RPS6KA6: variants seen among roughly 807,000 people sequenced by gnomAD.
RPS6KA6 encodes the protein ribosomal protein S6 kinase A6, also known as ribosomal protein S6 kinase alpha-6.
Under a neutral mutation model 65.4 loss-of-function variants are expected in RPS6KA6, and 27 were observed. That is an observed-to-expected ratio of 0.41 (90% CI 0.30 to 0.57). RPS6KA6 has a LOEUF of 0.57. RPS6KA6 is among the 20% of genes least tolerant of loss of function. The probability of loss-of-function intolerance (pLI) is 0.24; values close to 1 mark genes in which losing one functional copy is unlikely to be tolerated. For synonymous variants in RPS6KA6, 190 were observed against 184.2 expected (o/e 1.03, Z -0.26); for missense variants, 486 against 555.6 (o/e 0.87, Z 1.26).
intron 8 of RPS6KA6, among the ~76,000 whole-genome samples, chrX:84,130,904 A>T (rs1009347517): frequency 2.2e-4 from 25 of 112,082 alleles, no homozygotes; most frequent in African/African-American, 7.8e-4. Context: ...GAACTGTTTC[A>T]TATTTTTATT....
intron 20 of RPS6KA6, among the ~76,000 whole-genome samples, chrX:84,093,575 C>T (rs369562415): frequency 1.2e-4 from 13 of 111,771 alleles, no homozygotes; most frequent in East Asian, 8.4e-4. Flanking sequence ...CTAAAAGAGA[C>T]GTAAGAATAA....
intron 20 of RPS6KA6, among the ~76,000 whole-genome samples, chrX:84,069,157 C>CA (rs1461633042): frequency 8.9e-6 from 1 of 112,053 alleles, no homozygotes; most frequent in African/African-American, 3.2e-5. Context: ...TACCTGACTT[C>CA]AAACTATACT....
intron 2 of RPS6KA6, 86 bp downstream of exon 2, chrX:84,164,238 ATTTG>A: frequency 1.5e-6 from 1 of 675,706 alleles, no homozygotes; most frequent in Admixed American, 2.8e-5. Flanking sequence ...ACCTGAATAT[ATTTG>A]TTTGATAGGA....
Position 84,094,367 on chromosome X carries a change from G to T in RPS6KA6, c.1971+1827C>A, listed in dbSNP as rs898232815. Among the ~76,000 whole-genome samples the T allele has an allele frequency of 4.6e-5, 5 of 108,914 alleles. 1 individual carries two copies. The Middle Eastern group carries it at 0.014, about 311-fold the overall frequency. 94.6% of individuals were successfully genotyped at this position (108,914 alleles called of 115,157 possible). On this transcript the variant is annotated intron_variant, in intron 20 of 21. Transcript: ENST00000262752. ...TAAAGATTTTGCAAGTGGAGGCCTG[G>T]TGTGGTGGCTCACGCCTGTAATCCT...
At chrX:84,106,015 TA>T (rs66494650) in intron 15 of RPS6KA6, 139 bp from the exon 16 acceptor site, 27,172 of 390,198 alleles carry the variant, frequency 0.07, 1,062 homozygotes, top group East Asian at 0.26. Context: ...TTTTAACATT[TA>T]AAAACATAAG....
chrX:84,148,986 C>T (rs1300075881), intron 3 of RPS6KA6, among the ~76,000 whole-genome samples: 1 of 111,883 alleles, frequency 8.9e-6, no homozygotes, highest in Non-Finnish European at 1.9e-5. Flanking sequence ...CAAAAGTGAA[C>T]TCAGTCCTCT....
chrX:84,134,732 T>TA, intron 8 of RPS6KA6, 50 bp downstream of exon 8: 2 of 836,417 alleles, frequency 2.4e-6, no homozygotes, highest in Non-Finnish European at 3.4e-6. Context: ...ATTAAAATAA[T>TA]AAAAAATATG....
At chrX:84,160,882 AC>A (rs1362662958) in intron 2 of RPS6KA6, among the ~76,000 whole-genome samples, 1 of 111,534 alleles carries the variant, frequency 9.0e-6, no homozygotes, top group Non-Finnish European at 1.9e-5. Context: ...AAAATTATGT[AC>A]ACAATGGAAG....
intron 20 of RPS6KA6, among the ~76,000 whole-genome samples, chrX:84,079,035 G>A (rs1319554790): frequency 9.0e-6 from 1 of 111,640 alleles, no homozygotes; most frequent in African/African-American, 3.3e-5. Context: ...ATGGCCGAAT[G>A]GGAACAGCTC....
chrX:84,068,109 C>A (rs1427935022), intron 20 of RPS6KA6, among the ~76,000 whole-genome samples: 2 of 111,482 alleles, frequency 1.8e-5, no homozygotes. Flanking sequence ...TATAAGAGCT[C>A]CTGTAGGAAG....
At chrX:84,073,423 A>T (rs1351113800) in intron 20 of RPS6KA6, among the ~76,000 whole-genome samples, 1 of 111,902 alleles carries the variant, frequency 8.9e-6, no homozygotes, top group Admixed American at 9.5e-5. Flanking sequence ...CTATAAAACT[A>T]CTAGAAGAAA....
intron 20 of RPS6KA6, among the ~76,000 whole-genome samples, chrX:84,090,582 T>C (rs1209643028): frequency 9.0e-6 from 1 of 111,330 alleles, no homozygotes; most frequent in Non-Finnish European, 1.9e-5. Context: ...ACAATCACGG[T>C]AGAAGGAGGA....
intron 1 of RPS6KA6, among the ~76,000 whole-genome samples, chrX:84,165,488 C>T (rs1372577459): frequency 4.5e-5 from 5 of 111,181 alleles, no homozygotes; most frequent in African/African-American, 1.6e-4. Context: ...TATTTTCTAC[C>T]TTTATCTCCT....
At chrX:84,162,942 T>C (rs1238366541) in intron 2 of RPS6KA6, among the ~76,000 whole-genome samples, 1 of 112,052 alleles carries the variant, frequency 8.9e-6, no homozygotes, top group Non-Finnish European at 1.9e-5. Flanking sequence ...ACATTGTATC[T>C]CTCATATTGT....
At chrX:84,185,984 T>G (rs569336423) in intron 1 of RPS6KA6, 1 of 494,502 alleles carries the variant, frequency 2.0e-6, no homozygotes, top group South Asian at 2.6e-5. Flanking sequence ...TTTTATTAAG[T>G]AACTTGCAGG....
At position 84,124,104 on chromosome X, in the gene RPS6KA6, G is replaced by A. The variant is rs1045515782; in HGVS notation, c.647-4077C>T. 2.8e-4 allele frequency among the ~76,000 whole-genome samples: 31 copies of A among 111,433 alleles called. No homozygotes were observed. The Admixed American group carries it at 2.9e-3, about 10-fold the overall frequency. On this transcript the variant is annotated intron_variant, in intron 8 of 21. Transcript: ENST00000262752. ...AAGGCCACCAATGGGGTACCTCTAGGAGCCTATAAAACCACAGCATTATTG... is the reference window on the plus strand; with the variant it reads ...AAGGCCACCAATGGGGTACCTCTAGAAGCCTATAAAACCACAGCATTATTG...
intron 3 of RPS6KA6, among the ~76,000 whole-genome samples, chrX:84,150,212 G>A (rs1399750606): frequency 2.7e-5 from 3 of 111,899 alleles, no homozygotes; most frequent in African/African-American, 9.7e-5. Context: ...GCTAGAGGGA[G>A]TGTTGTGGCT....
intron 17 of RPS6KA6, among the ~76,000 whole-genome samples, chrX:84,103,877 A>C (rs753959028): frequency 7.2e-5 from 8 of 111,192 alleles, no homozygotes; most frequent in African/African-American, 2.6e-4. Context: ...TTCTTTATTA[A>C]GTTGGTACAT....
chrX:84,133,166 C>A (rs1012523301), intron 8 of RPS6KA6, among the ~76,000 whole-genome samples: 38 of 111,692 alleles, frequency 3.4e-4, no homozygotes, highest in African/African-American at 1.2e-3. Flanking sequence ...AGTCTGACTG[C>A]AAAAATTCAA....
Sources: gnomAD v4.1 joint callset for allele counts (sites outside exome capture counted in the v4.1 genomes callset) on GRCh38, gnomAD v4.1.1 for gene constraint, MANE v1.5 for transcripts, NCBI Gene and HGNC (gene_info 2026-07-23, HGNC 2026-07-21) for gene names.